The following SVOPL variants were observed in gnomAD, a reference collection of about 807,000 sequenced individuals.
The protein encoded by SVOPL is putative transporter SVOPL.
Under a neutral mutation model 61.0 loss-of-function variants are expected in SVOPL, and 60 were observed. That is an observed-to-expected ratio of 0.98 (90% CI 0.80 to 1.22). The LOEUF is 1.22. Ranked by LOEUF, SVOPL falls within the 50% of genes most tolerant of loss-of-function variation. SVOPL has a pLI of 0.00. For missense variants in SVOPL, 662 were observed against 643.9 expected, an observed-to-expected ratio of 1.03 and a Z score of -0.30; for synonymous variants, 279 against 250.0, an observed-to-expected ratio of 1.12 and a Z score of -1.09.
chr7:138,612,508 ATTTTT>A (rs71178002), intron 14 of SVOPL, among the ~76,000 whole-genome samples: 3 of 70,822 alleles, frequency 4.2e-5, no homozygotes, highest in Admixed American at 2.1e-4. Flanking sequence ...GCCAGACTTA[ATTTTT>A]TTTTTTTTTT....
intron 1 of SVOPL, among the ~76,000 whole-genome samples, chr7:138,689,897 TG>T (rs1802903727): frequency 7.3e-6 from 1 of 137,814 alleles, no homozygotes; most frequent in African/African-American, 2.8e-5. Context: ...TTGAGTGGAG[TG>T]GGAGTCTTAC....
chr7:138,623,809 T>A (rs1247823494), intron 13 of SVOPL, among the ~76,000 whole-genome samples: 1 of 152,200 alleles, frequency 6.6e-6, no homozygotes, highest in East Asian at 1.9e-4. Flanking sequence ...TATGCAAAAT[T>A]ATTTAAAGTC....
intron 9 of SVOPL, among the ~76,000 whole-genome samples, chr7:138,632,102 G>A (rs1563104698): frequency 6.6e-6 from 1 of 152,092 alleles, no homozygotes; most frequent in Non-Finnish European, 1.5e-5. Context: ...ATGAAGGCAG[G>A]GTCTACTGCC....
intron 4 of SVOPL, chr7:138,663,579 T>G (rs1471167557): frequency 2.0e-6 from 2 of 990,570 alleles, no homozygotes; most frequent in Non-Finnish European, 2.4e-6. Flanking sequence ...CAATCACTCA[T>G]TTAAAAAACT....
chr7:138,605,640 C>CAAAAAA (rs1159063438), intron 14 of SVOPL, among the ~76,000 whole-genome samples: 12 of 84,248 alleles, frequency 1.4e-4, no homozygotes, highest in East Asian at 3.5e-4. Flanking sequence ...CTAACCTGGG[C>CAAAAAA]AAAAAAAAAA....
At chr7:138,656,040 T>A (rs1801714098) in intron 7 of SVOPL, among the ~76,000 whole-genome samples, 1 of 152,166 alleles carries the variant, frequency 6.6e-6, no homozygotes, top group African/African-American at 2.4e-5. Flanking sequence ...TTCATTGTTA[T>A]CTTTTTTTAA....
intron 3 of SVOPL, among the ~76,000 whole-genome samples, chr7:138,676,936 C>T (rs1048210239): frequency 3.3e-4 from 36 of 108,130 alleles, no homozygotes; most frequent in Middle Eastern, 6.8e-3. Flanking sequence ...TGAAGTCTCG[C>T]TCTGTCATCA....
At chr7:138,654,867 CCTTTT>C (rs1354737476) in intron 7 of SVOPL, among the ~76,000 whole-genome samples, 15 of 126,332 alleles carry the variant, frequency 1.2e-4, no homozygotes, top group African/African-American at 5.1e-4. Context: ...TGTTTCACTT[CCTTTT>C]TTTTTTTTTT....
At chr7:138,693,744 A>G (rs1803005675) in intron 1 of SVOPL, among the ~76,000 whole-genome samples, 1 of 152,092 alleles carries the variant, frequency 6.6e-6, no homozygotes, top group Admixed American at 6.6e-5. Flanking sequence ...TGGGAAGCTG[A>G]AGCAGGAGAT....
chr7:138,620,444 C>CA (rs3080386), intron 14 of SVOPL, among the ~76,000 whole-genome samples: 3,656 of 87,196 alleles, frequency 0.042, 117 homozygotes, highest in South Asian at 0.072. Context: ...TCTTTGCAGC[C>CA]AAAAAAAAAA....
At chr7:138,699,275 T>A (rs1401542534) in intron 1 of SVOPL, among the ~76,000 whole-genome samples, 1 of 152,046 alleles carries the variant, frequency 6.6e-6, no homozygotes, top group Admixed American at 6.6e-5. Context: ...TTGCACTCCA[T>A]CCTGGGCGAC....
intron 14 of SVOPL, among the ~76,000 whole-genome samples, chr7:138,613,777 T>C (rs1799162848): frequency 2.0e-5 from 3 of 152,168 alleles, no homozygotes; most frequent in South Asian, 4.1e-4. Flanking sequence ...CTTGTGGTGG[T>C]GTGCTGTCAA....
At chr7:138,609,960 C>T (rs916702491) in intron 14 of SVOPL, among the ~76,000 whole-genome samples, 9 of 152,010 alleles carry the variant, frequency 5.9e-5, no homozygotes, top group Non-Finnish European at 1.0e-4. Flanking sequence ...AACTCCTGAC[C>T]GCAAATGATC....
intron 1 of SVOPL, among the ~76,000 whole-genome samples, chr7:138,689,713 C>T (rs34441028): frequency 0.23 from 35,531 of 151,418 alleles, 4,613 homozygotes; most frequent in African/African-American, 0.34. Flanking sequence ...AAAAATTAGC[C>T]GGGCACGGTG....
chr7:138,623,338 C>T (rs1203164238), intron 13 of SVOPL, among the ~76,000 whole-genome samples: 1 of 152,132 alleles, frequency 6.6e-6, no homozygotes, highest in African/African-American at 2.4e-5. Flanking sequence ...CGGTGGCTCA[C>T]GCCTGTAATC....
At chr7:138,662,513 T>G in intron 5 of SVOPL, 1 of 985,594 alleles carries the variant, frequency 1.0e-6, no homozygotes, top group Non-Finnish European at 1.2e-6. Context: ...CTGAGCTTGC[T>G]GTTGCAGCAG....
At chr7:138,637,533 C>T (rs1364300864) in intron 9 of SVOPL, among the ~76,000 whole-genome samples, 4 of 150,654 alleles carry the variant, frequency 2.7e-5, no homozygotes, top group African/African-American at 9.8e-5. Flanking sequence ...CACACACCTA[C>T]ATACATACAC....
intron 1 of SVOPL, among the ~76,000 whole-genome samples, chr7:138,683,424 G>C (rs978207486): frequency 2.7e-4 from 41 of 152,202 alleles, no homozygotes; most frequent in African/African-American, 9.4e-4. Context: ...CTGGGGTGCA[G>C]TGGCGGGATC....
chr7:138,638,548 T>C (rs1800616434), intron 9 of SVOPL, among the ~76,000 whole-genome samples: 1 of 152,022 alleles, frequency 6.6e-6, no homozygotes, highest in Non-Finnish European at 1.5e-5. Context: ...TGAACTATGA[T>C]TGCACCACTG....
Sources: gnomAD v4.1 joint callset for allele counts (sites outside exome capture counted in the v4.1 genomes callset) on GRCh38, gnomAD v4.1.1 for gene constraint, MANE v1.5 for transcripts, NCBI Gene and HGNC (gene_info 2026-07-23, HGNC 2026-07-21) for gene names.